SPATA6L: variants seen among roughly 807,000 people sequenced by gnomAD.
The protein encoded by SPATA6L is spermatogenesis associated 6-like protein.
In SPATA6L, 68 loss-of-function variants were observed where a neutral mutation model predicts 49.2. That is an observed-to-expected ratio of 1.38 (90% CI 1.14 to 1.69). SPATA6L has a LOEUF of 1.69. SPATA6L is among the 40% of genes most tolerant of loss of function. The pLI, the probability that SPATA6L is intolerant of heterozygous loss-of-function variation, is 0.00. For synonymous variants in SPATA6L, 198 were observed against 165.7 expected (o/e 1.19, Z -1.50); for missense variants, 668 against 464.3 (o/e 1.44, Z -4.03).
intron 3 of SPATA6L, among the ~76,000 whole-genome samples, chr9:4,638,046 G>T (rs1296353775): frequency 6.6e-6 from 1 of 152,108 alleles, no homozygotes; most frequent in Admixed American, 6.5e-5. Context: ...CACTAGTGAA[G>T]AAGATAAATA....
rs1259618059 is a variant in SPATA6L, at chr9:4,617,922, C to A, written c.995+1G>T. ...CAAACAGATGGGTGCTTGCCACTGA[C>A]CTTTCTCTGAGAAGGGGCTGATCCA... On this transcript the variant is annotated splice_donor_variant, in intron 9 of 11. Coordinates refer to ENST00000682582, the MANE Select transcript of SPATA6L (RefSeq NM_001353486.2). LOFTEE classifies it high-confidence loss of function. 6.2e-7 allele frequency: 1 copy of A among 1,604,464 alleles called. No individual in the cohort carries two copies. Among genetic ancestry groups the A allele is most frequent in the African/African-American group, 1.3e-5 (1 of 74,726 alleles).
At chr9:4,605,540 T>A (rs1425728998) in intron 9 of SPATA6L, 100 bp from the exon 10 acceptor site, 1 of 762,996 alleles carries the variant, frequency 1.3e-6, no homozygotes. Flanking sequence ...TTAATTATAA[T>A]AAAAAACAGC....
Position 4,662,083 on chromosome 9 carries a change from G to A in SPATA6L, c.40-47C>T, listed in dbSNP as rs755505592. On this transcript the variant is annotated intron_variant, in intron 1 of 11. Coordinates refer to ENST00000682582, the MANE Select transcript of SPATA6L (RefSeq NM_001353486.2). The surrounding 1 kb of genome is among the most constrained non-coding windows in gnomAD (Gnocchi z 4.9). ...AAACAAGGGAGAGAAAACAGACTTT[G>A]CTTTGTTTTGTTACACGGGGCTCTA... 40 of 1,602,180 alleles carry A rather than the reference G, an allele frequency of 2.5e-5. No individual in the cohort carries two copies. The highest frequency in any genetic ancestry group is 3.3e-5 in the Non-Finnish European group (39 of 1,173,914).
At position 4,660,113 on chromosome 9, in the gene SPATA6L, T is replaced by G. The variant is rs578194095; in HGVS notation, c.177+1786A>C. ...CCTAAGCAATACCATTCAGGACATA[T>G]GCATGGGCAAGGACTTCATGACTAA... On this transcript the variant is annotated intron_variant, in intron 2 of 11. Coordinates refer to ENST00000682582, the MANE Select transcript of SPATA6L (RefSeq NM_001353486.2). Among the ~76,000 whole-genome samples the G allele has an allele frequency of 1.5e-4, 23 of 152,290 alleles. No homozygotes were observed. The South Asian group carries it at 2.3e-3, about 15-fold the overall frequency.
intron 9 of SPATA6L, chr9:4,617,452 T>C (rs2130346471): frequency 6.6e-6 from 1 of 152,546 alleles, no homozygotes; most frequent in South Asian, 2.1e-4. Flanking sequence ...TTTTGCTCTC[T>C]GGCCTGCTCT....
At chr9:4,602,845 G>A (rs1442118235) in intron 11 of SPATA6L, among the ~76,000 whole-genome samples, 2 of 152,202 alleles carry the variant, frequency 1.3e-5, no homozygotes, top group South Asian at 4.1e-4. Context: ...CTATGCCTCA[G>A]TTTTCCTATC....
At chr9:4,594,955 C>G (rs1253070254), downstream of SPATA6L, among the ~76,000 whole-genome samples, 2 of 152,050 alleles carry the variant, frequency 1.3e-5, no homozygotes, top group East Asian at 3.9e-4. Context: ...TCTAAGTGTT[C>G]CCTATTCTAT....
downstream of SPATA6L, among the ~76,000 whole-genome samples, chr9:4,595,711 T>C (rs974995027): frequency 1.3e-5 from 2 of 152,250 alleles, no homozygotes; most frequent in Non-Finnish European, 2.9e-5. Context: ...CCACTGTTTC[T>C]AACCTCCTGA....
intron 3 of SPATA6L, among the ~76,000 whole-genome samples, chr9:4,653,671 T>A (rs1328262466): frequency 6.6e-6 from 1 of 152,196 alleles, no homozygotes; most frequent in Non-Finnish European, 1.5e-5. Context: ...GGCTCATGTC[T>A]GTAACCCCAA....
Position 4,617,932 on chromosome 9 carries a change from A to C in SPATA6L, c.986T>G (p.Leu329Arg). The C allele has an allele frequency of 1.2e-6, 2 of 1,609,268 alleles. No homozygotes were observed. Among genetic ancestry groups the C allele is most frequent in the Non-Finnish European group, 1.7e-6 (2 of 1,177,386 alleles). Reference protein sequence around the residue: ...TSPGPLDQPLLRERFHPGSQS... With the variant: ...TSPGPLDQPLRRERFHPGSQS... Reference sequence around the variant, plus strand: ...GGTGCTTGCCACTGACCTTTCTCTGAGAAGGGGCTGATCCAAGGGGCCAGG... The same window carrying C: ...GGTGCTTGCCACTGACCTTTCTCTGCGAAGGGGCTGATCCAAGGGGCCAGG... Residue 329 changes from leucine (L) to arginine (R), a missense_variant, in exon 9 of 12, where the codon CTC (leucine) becomes CGC (arginine). Transcript: ENST00000682582.
chr9:4,661,759 G>GTTT, intron 2 of SPATA6L, 140 bp downstream of exon 2: 1 of 1,172,482 alleles, frequency 8.5e-7, no homozygotes, highest in Non-Finnish European at 1.2e-6. Flanking sequence ...TCCGACTGCG[G>GTTT]TTTTGCATTG....
chr9:4,666,130 TG>T (rs1554619392), intron 1 of SPATA6L, 81 bp downstream of exon 1: 8 of 1,236,048 alleles, frequency 6.5e-6, no homozygotes, highest in Non-Finnish European at 8.4e-6. Context: ...GTGGGGGATG[TG>T]GGGGAGGGTT....
At chr9:4,631,184 ATACTT>A (rs1179616154) in intron 4 of SPATA6L, among the ~76,000 whole-genome samples, 2 of 152,208 alleles carry the variant, frequency 1.3e-5, no homozygotes, top group Non-Finnish European at 2.9e-5. Flanking sequence ...GCATAACATT[ATACTT>A]TAGAGTTGAA....
intron 3 of SPATA6L, among the ~76,000 whole-genome samples, chr9:4,652,967 G>A (rs1396240145): frequency 1.3e-5 from 2 of 152,132 alleles, no homozygotes; most frequent in East Asian, 3.8e-4. Flanking sequence ...TACAGTCAAT[G>A]GAATCCCTGT....
chr9:4,656,231 G>A, intron 2 of SPATA6L, 142 bp from the exon 3 acceptor site: 1 of 627,508 alleles, frequency 1.6e-6, no homozygotes, highest in Admixed American at 2.9e-5. Flanking sequence ...TTAAGCTCAG[G>A]AGTTTCAGAC....
chr9:4,592,311 T>C (rs1821957685), intron 13 of SPATA6L, among the ~76,000 whole-genome samples: 1 of 80,788 alleles, frequency 1.2e-5, no homozygotes, highest in South Asian at 4.3e-4. Flanking sequence ...GGAGACTCCA[T>C]CTCAAAAAAA....
In SPATA6L at chr9:4,589,600, G is replaced by C. The variant is rs113953961; in HGVS notation, c.*255-639C>G. Among the ~76,000 whole-genome samples the C allele has an allele frequency of 9.4e-3, 1,434 of 152,274 alleles. 11 individuals are homozygous for C. The highest frequency in any genetic ancestry group is 0.025 in the East Asian group (131 of 5,188). ...GGAGGTAAACAAAAAATAAGTGTTC[G>C]CAGTCCTTTCCTATGCCCTGAAACA... is the stretch of plus-strand genomic sequence containing the variant. On this transcript the variant is annotated intron_variant and NMD_transcript_variant, in intron 13 of 13. Coordinates refer to the SPATA6L transcript ENST00000461761.
chr9:4,636,850 C>G (rs1381146843), intron 3 of SPATA6L, among the ~76,000 whole-genome samples: 1 of 152,174 alleles, frequency 6.6e-6, no homozygotes, highest in Non-Finnish European at 1.5e-5. Flanking sequence ...CCCAGCCACG[C>G]TCCAGCCACA....
At chr9:4,632,595 CAA>C (rs58418814) in intron 4 of SPATA6L, among the ~76,000 whole-genome samples, 15 of 120,624 alleles carry the variant, frequency 1.2e-4, no homozygotes, top group Admixed American at 1.7e-4. Flanking sequence ...GACTCCATCT[CAA>C]AAAAAAAAAA....
Sources: gnomAD v4.1 joint callset for allele counts (sites outside exome capture counted in the v4.1 genomes callset) on GRCh38, gnomAD v4.1.1 for gene constraint, Gnocchi (gnomAD v3.1) non-coding constraint, MANE v1.5 for transcripts, NCBI Gene and HGNC (gene_info 2026-07-23, HGNC 2026-07-21) for gene names.